The following ENTREP2 variants were observed in gnomAD, a reference collection of about 807,000 sequenced individuals.
ENTREP2 encodes the protein protein ENTREP2.
the ENTREP2 span, among the ~76,000 whole-genome samples, chr15:29,654,062 T>A: frequency 6.6e-6 from 1 of 152,196 alleles, no homozygotes; most frequent in East Asian, 1.9e-4. Flanking sequence ...GCTATACTTA[T>A]CTTAAATAAT....
At chr15:29,220,498 T>TGG in the ENTREP2 span, among the ~76,000 whole-genome samples, 27 of 152,356 alleles carry the variant, frequency 1.8e-4, no homozygotes, top group African/African-American at 6.3e-4. Flanking sequence ...CACAGCCACG[T>TGG]GGCACAGGAA....
chr15:29,602,308 G>A, the ENTREP2 span, among the ~76,000 whole-genome samples: 3 of 152,150 alleles, frequency 2.0e-5, no homozygotes, highest in African/African-American at 7.2e-5. Context: ...CTTCACCAGA[G>A]AAAGAACTGT....
At chr15:29,654,932 T>C in the ENTREP2 span, among the ~76,000 whole-genome samples, 1 of 152,178 alleles carries the variant, frequency 6.6e-6, no homozygotes, top group Admixed American at 6.6e-5. Flanking sequence ...TCTAGTCTCA[T>C]GGCTTGAGTT....
At chr15:29,230,574 A>G in the ENTREP2 span, among the ~76,000 whole-genome samples, 5 of 152,246 alleles carry the variant, frequency 3.3e-5, no homozygotes, top group Admixed American at 3.3e-4. Flanking sequence ...GAGGAGACCT[A>G]CTAGAGATTG....
chr15:29,130,723 CAG>C, the ENTREP2 span, among the ~76,000 whole-genome samples: 1 of 152,140 alleles, frequency 6.6e-6, no homozygotes, highest in African/African-American at 2.4e-5. Context: ...CTCTCGCAAG[CAG>C]AGTGTCAAGA....
the ENTREP2 span, among the ~76,000 whole-genome samples, chr15:29,511,319 T>C: frequency 1.3e-5 from 2 of 151,452 alleles, no homozygotes; most frequent in Admixed American, 6.6e-5. Flanking sequence ...TCAGAGATTT[T>C]ACTTTTCTTC....
the ENTREP2 span, among the ~76,000 whole-genome samples, chr15:29,220,428 C>T: frequency 6.6e-6 from 1 of 152,148 alleles, no homozygotes; most frequent in Non-Finnish European, 1.5e-5. Flanking sequence ...GAAGCCTGGC[C>T]TTTATGACCG....
the ENTREP2 span, among the ~76,000 whole-genome samples, chr15:29,597,989 G>A: frequency 6.6e-6 from 1 of 152,094 alleles, no homozygotes; most frequent in Non-Finnish European, 1.5e-5. Context: ...AGGCCTCATG[G>A]CATGCACCGT....
the ENTREP2 span, among the ~76,000 whole-genome samples, chr15:29,170,960 G>A: frequency 2.6e-5 from 4 of 152,182 alleles, no homozygotes; most frequent in Non-Finnish European, 4.4e-5. Flanking sequence ...TAGAGCATGG[G>A]GCCAGCATCT....
At chr15:29,366,326 C>T in the ENTREP2 span, among the ~76,000 whole-genome samples, 8 of 152,304 alleles carry the variant, frequency 5.3e-5, no homozygotes, top group South Asian at 4.1e-4. Flanking sequence ...CCACCCGCCT[C>T]GGCCTCCCAA....
the ENTREP2 span, among the ~76,000 whole-genome samples, chr15:29,167,535 A>G: frequency 6.6e-6 from 1 of 152,260 alleles, no homozygotes. Flanking sequence ...TCAAAAGAAG[A>G]TATACAAATG....
At chr15:29,629,522 T>A in the ENTREP2 span, among the ~76,000 whole-genome samples, 1 of 152,246 alleles carries the variant, frequency 6.6e-6, no homozygotes, top group Admixed American at 6.5e-5. Context: ...CATATCGCAG[T>A]CTACTAGTAT....
the ENTREP2 span, among the ~76,000 whole-genome samples, chr15:29,319,109 G>A: frequency 6.6e-6 from 1 of 152,178 alleles, no homozygotes; most frequent in Non-Finnish European, 1.5e-5. Flanking sequence ...GCAGAGCCCT[G>A]AGAGGAAGTG....
the ENTREP2 span, among the ~76,000 whole-genome samples, chr15:29,250,378 C>G: frequency 6.6e-6 from 1 of 152,152 alleles, no homozygotes; most frequent in African/African-American, 2.4e-5. Flanking sequence ...TTCTGTGGTA[C>G]CATCAACCAA....
the ENTREP2 span, among the ~76,000 whole-genome samples, chr15:29,634,435 A>C: frequency 6.6e-6 from 1 of 152,180 alleles, no homozygotes; most frequent in South Asian, 2.1e-4. Flanking sequence ...GGGCTGTAAA[A>C]GTAGAAAAAA....
At chr15:29,651,856 C>G in the ENTREP2 span, among the ~76,000 whole-genome samples, 3 of 152,234 alleles carry the variant, frequency 2.0e-5, no homozygotes, top group Admixed American at 6.5e-5. Flanking sequence ...TTAGTTCAAG[C>G]AGCCTGGGCA....
chr15:29,158,851 A>C, the ENTREP2 span, among the ~76,000 whole-genome samples: 4 of 151,964 alleles, frequency 2.6e-5, no homozygotes, highest in South Asian at 2.1e-4. Flanking sequence ...GATGTATAGA[A>C]CAAAAACAAG....
the ENTREP2 span, among the ~76,000 whole-genome samples, chr15:29,295,000 G>T: frequency 3.3e-5 from 5 of 152,182 alleles, no homozygotes; most frequent in Non-Finnish European, 5.9e-5. Context: ...GATGTGCAGA[G>T]CCCAGGCACT....
At chr15:29,490,366 C>G in the ENTREP2 span, among the ~76,000 whole-genome samples, 1 of 152,152 alleles carries the variant, frequency 6.6e-6, no homozygotes, top group African/African-American at 2.4e-5. Context: ...CCGCAAAGAG[C>G]GAAAGAACAA....
Sources: allele counts gnomAD v4.1 joint callset (sites outside exome capture counted in the v4.1 genomes callset), GRCh38; gene constraint gnomAD v4.1.1; transcripts MANE v1.5; gene names NCBI Gene and HGNC (gene_info 2026-07-23, HGNC 2026-07-21).